Variants in TET2 observed in about 807,000 individuals in gnomAD.
TET2 encodes methylcytosine dioxygenase TET2.
A neutral mutation model predicts 142.9 loss-of-function variants in TET2; 299 were observed. The observed-to-expected ratio is 2.09, with a 90% confidence interval of 1.90 to 2.30. The LOEUF is 2.30. TET2 is among the 30% of genes most tolerant of loss of function. TET2 has a pLI of 0.00. For synonymous variants in TET2, 819 were observed against 849.0 expected, an observed-to-expected ratio of 0.96 and a Z score of 0.61; for missense variants, 2,418 against 2,378.0, an observed-to-expected ratio of 1.02 and a Z score of -0.35.
Position 105,278,744 on chromosome 4 carries a change from A to AAAAT in TET2, c.*2227_*2230dup, listed in dbSNP as rs373381742. 1.6e-4 allele frequency: 37 copies of AAAAT among 232,896 alleles called. No individual in the cohort carries two copies. Among genetic ancestry groups the AAAAT allele is most frequent in the African/African-American group, 7.3e-4 (33 of 45,330 alleles). The allele number at this position is 232,896 out of a possible 1,614,324, so 14.4% of individuals were successfully genotyped here. ...TCAAGCAGGAAAAAAAAATTACATG[A>AAAAT]AAATAGAATGCACTGAGTTGATAAA... On this transcript the variant is annotated 3_prime_UTR_variant, in exon 11 of 11. Coordinates refer to ENST00000380013, the MANE Select transcript of TET2 (RefSeq NM_001127208.3).
chr4:105,223,451 G>C (rs1445441466), intron 2 of TET2, among the ~76,000 whole-genome samples: 5 of 152,034 alleles, frequency 3.3e-5, no homozygotes, highest in African/African-American at 1.2e-4. Flanking sequence ...TTTACCTCAA[G>C]AGTGAGACTT....
intron 2 of TET2, among the ~76,000 whole-genome samples, chr4:105,217,458 T>A (rs1192339791): frequency 1.3e-5 from 2 of 151,990 alleles, no homozygotes; most frequent in African/African-American, 2.4e-5. Flanking sequence ...AGATTAAAAT[T>A]ACATAAGATA....
intron 1 of TET2, among the ~76,000 whole-genome samples, chr4:105,164,936 A>G (rs1724074979): frequency 1.3e-5 from 2 of 152,262 alleles, no homozygotes; most frequent in Admixed American, 1.3e-4. Context: ...AGATACAATG[A>G]AAAGATACAA....
intron 1 of TET2, among the ~76,000 whole-genome samples, chr4:105,163,558 A>G (rs895777720): frequency 6.6e-6 from 1 of 152,134 alleles, no homozygotes; most frequent in African/African-American, 2.4e-5. Context: ...GTACCATGCT[A>G]AGCACTTTCC....
intron 2 of TET2, among the ~76,000 whole-genome samples, chr4:105,219,926 A>G (rs1466477291): frequency 6.6e-6 from 1 of 152,044 alleles, no homozygotes; most frequent in Non-Finnish European, 1.5e-5. Flanking sequence ...TTTTCTTACC[A>G]CACCACATAA....
At chr4:105,266,237 G>A (rs923621802) in intron 8 of TET2, among the ~76,000 whole-genome samples, 4 of 152,148 alleles carry the variant, frequency 2.6e-5, no homozygotes, top group African/African-American at 4.8e-5. Flanking sequence ...TATTGCCTTG[G>A]TAGTAGAAGT....
At chr4:105,149,114 A>G (rs2110340485) in intron 1 of TET2, among the ~76,000 whole-genome samples, 1 of 152,318 alleles carries the variant, frequency 6.6e-6, no homozygotes, top group Middle Eastern at 3.4e-3. Flanking sequence ...CGAGAAAACT[A>G]TGGTTAATTA....
At chr4:105,175,160 A>C (rs767340226) in intron 1 of TET2, among the ~76,000 whole-genome samples, 4 of 152,188 alleles carry the variant, frequency 2.6e-5, no homozygotes, top group Non-Finnish European at 5.9e-5. Context: ...TGAGTATATC[A>C]TGTCTGTCAT....
In TET2 at chr4:105,190,347, C is replaced by T; in HGVS notation, c.-192-13C>T. 1 of 643,160 alleles carries T rather than the reference C, an allele frequency of 1.6e-6. No individual in the cohort carries two copies. The highest frequency in any genetic ancestry group is 2.8e-6 in the Non-Finnish European group (1 of 359,692). The allele number at this position is 643,160 out of a possible 1,614,324, so 39.8% of individuals were successfully genotyped here. A position where few individuals can be genotyped will look rare whatever the true frequency, so the allele number is the denominator to read the frequency against. ...TTGCTAACTTAAAAATGTTCAAACT[C>T]TGTCTTCTCTAGGCTGGCAAACATT... On this transcript the variant is annotated splice_polypyrimidine_tract_variant and intron_variant, in intron 1 of 10. Coordinates refer to ENST00000380013, the MANE Select transcript of TET2 (RefSeq NM_001127208.3).
At chr4:105,238,160 T>A (rs1578682067) in intron 3 of TET2, 2 of 225,232 alleles carry the variant, frequency 8.9e-6, no homozygotes, top group African/African-American at 4.5e-5. Flanking sequence ...TTAAAAATAA[T>A]TTATTGTTAA....
Position 105,235,464 on chromosome 4 carries a change from A to G in TET2, c.1522A>G (p.Met508Val). 1 of 1,614,158 alleles carries G rather than the reference A, an allele frequency of 6.2e-7. No homozygotes were observed. The highest frequency in any genetic ancestry group is 8.5e-7 in the Non-Finnish European group (1 of 1,180,000). Residue 508 changes from methionine to valine, a missense_variant, in exon 3 of 11, where the codon ATG becomes GTG. Transcript: ENST00000380013. ...ATTGTGTTCTGAGAAAACAAGACCA[A>G]TGTCAGAACACCTCAAGCATAACCC... Reference protein sequence around the residue: ...VPLCSEKTRPMSEHLKHNPPI... With the variant: ...VPLCSEKTRPVSEHLKHNPPI...
chr4:105,221,534 G>A (rs185136800), intron 2 of TET2, among the ~76,000 whole-genome samples: 8 of 152,112 alleles, frequency 5.3e-5, no homozygotes, highest in African/African-American at 1.9e-4. Context: ...CCCTACTGAG[G>A]ATTATGAAAA....
chr4:105,182,963 C>T (rs1004469971), intron 1 of TET2, among the ~76,000 whole-genome samples: 1 of 152,106 alleles, frequency 6.6e-6, no homozygotes, highest in East Asian at 1.9e-4. Context: ...TTTAAAAATT[C>T]ATTCTTTCCA....
chr4:105,185,552 A>G (rs28493806), intron 1 of TET2, among the ~76,000 whole-genome samples: 49,048 of 152,044 alleles, frequency 0.32, 9,048 homozygotes, highest in East Asian at 0.48. Context: ...AGGCCGAGGT[A>G]TGCGGATCAC....
chr4:105,187,776 C>G (rs1725542706), intron 1 of TET2, among the ~76,000 whole-genome samples: 1 of 152,164 alleles, frequency 6.6e-6, no homozygotes, highest in African/African-American at 2.4e-5. Flanking sequence ...CAATATCTTG[C>G]ATATGATTAT....
chr4:105,246,733 T>C (rs372308690), intron 6 of TET2, among the ~76,000 whole-genome samples: 4 of 152,336 alleles, frequency 2.6e-5, no homozygotes, highest in African/African-American at 9.6e-5. Flanking sequence ...AAATTGGGGC[T>C]GCGGACTCAG....
intron 3 of TET2, chr4:105,240,319 C>G (rs1729223980): frequency 9.4e-7 from 1 of 1,058,664 alleles, no homozygotes; most frequent in African/African-American, 1.7e-5. Flanking sequence ...CGAGGTATGC[C>G]TGTATTTTTA....
intron 1 of TET2, among the ~76,000 whole-genome samples, chr4:105,154,569 G>A (rs886511485): frequency 3.3e-5 from 5 of 152,184 alleles, no homozygotes. Flanking sequence ...TTGGCATTGT[G>A]TTTTGTGATA....
At chr4:105,191,032 AGC>A (rs1433302647) in intron 2 of TET2, among the ~76,000 whole-genome samples, 4 of 152,172 alleles carry the variant, frequency 2.6e-5, no homozygotes, top group Non-Finnish European at 5.9e-5. Flanking sequence ...TCTCAGGAGC[AGC>A]TATGTGATTT....
Sources: allele counts gnomAD v4.1 joint callset (sites outside exome capture counted in the v4.1 genomes callset), GRCh38; gene constraint gnomAD v4.1.1; transcripts MANE v1.5; gene names NCBI Gene and HGNC (gene_info 2026-07-23, HGNC 2026-07-21).